The following KIAA1217 variants were observed in gnomAD, a reference collection of about 807,000 sequenced individuals.
KIAA1217 encodes the protein sickle tail protein homolog.
A neutral mutation model predicts 163.9 loss-of-function variants in KIAA1217; 88 were observed. The ratio of observed to expected loss-of-function variants is 0.54; its 90% CI spans 0.45 to 0.64. The LOEUF (loss-of-function observed/expected upper bound fraction) is 0.64, where lower values mean the gene tolerates loss of function less well. Ranked by LOEUF, KIAA1217 falls within the 30% of genes least tolerant of loss-of-function variation. KIAA1217 has a pLI of 0.00. For missense variants in KIAA1217, 2,372 were observed against 2,475.0 expected (o/e 0.96, Z 0.88); for synonymous variants, 903 against 923.1 (o/e 0.98, Z 0.39).
chr10:24,077,917 T>C (rs1023335530), intron 2 of KIAA1217, among the ~76,000 whole-genome samples: 2 of 152,256 alleles, frequency 1.3e-5, no homozygotes, highest in Non-Finnish European at 2.9e-5. Context: ...ACTGTGCTTT[T>C]GATTTGCATT....
chr10:24,479,582 G>A (rs982555069), intron 6 of KIAA1217, among the ~76,000 whole-genome samples: 1 of 152,150 alleles, frequency 6.6e-6, no homozygotes, highest in Non-Finnish European at 1.5e-5. Context: ...GGGCTGTCCT[G>A]TGCATTGTAG....
rs199896296 is a variant in KIAA1217 at position 24,531,878 on chromosome 10, C to T, written c.3131C>T (p.Ser1044Leu). 91 of 1,608,198 alleles carry T rather than the reference C, an allele frequency of 5.7e-5. No homozygotes were observed. In the East Asian group the frequency reaches 1.5e-3, roughly 27 times the overall value. The change falls in exon 15 of 21, where the codon TCG becomes TTG. Residue 1044 changes from serine (S) to leucine (L), a missense_variant. Coordinates refer to ENST00000376454, the MANE Select transcript of KIAA1217 (RefSeq NM_019590.5). ...EQDLEKLGGKSPPPPPPPPRR... is the reference protein window; with the variant it reads ...EQDLEKLGGKLPPPPPPPPRR... ...GACTTGGAAAAGCTGGGGGGAAAGT[C>T]GCCCCCTCCTCCTCCGCCACCTCCT... is the stretch of plus-strand genomic sequence containing the variant.
chr10:24,243,063 A>G (rs2073300358), intron 2 of KIAA1217, among the ~76,000 whole-genome samples: 1 of 152,138 alleles, frequency 6.6e-6, no homozygotes, highest in Non-Finnish European at 1.5e-5. Context: ...TTTGGTGTAC[A>G]GAAGCTCTTC....
At chr10:23,974,928 T>C (rs1345055248) in intron 1 of KIAA1217, among the ~76,000 whole-genome samples, 1 of 151,244 alleles carries the variant, frequency 6.6e-6, no homozygotes, top group African/African-American at 2.4e-5. Context: ...ATAATGCAAA[T>C]GTGGAATATT....
At chr10:24,163,011 G>A (rs964586633) in intron 2 of KIAA1217, among the ~76,000 whole-genome samples, 1 of 152,086 alleles carries the variant, frequency 6.6e-6, no homozygotes, top group African/African-American at 2.4e-5. Flanking sequence ...AAATGACATG[G>A]GAAAAAATCA....
At chr10:24,117,136 C>T (rs1564720493) in intron 2 of KIAA1217, among the ~76,000 whole-genome samples, 2 of 152,056 alleles carry the variant, frequency 1.3e-5, no homozygotes, top group South Asian at 2.1e-4. Flanking sequence ...CTCCCAGGTT[C>T]GAGCAATTCT....
rs1264846525 is a variant in KIAA1217, at chr10:24,546,113, A to G, written c.5621A>G (p.His1874Arg). ...FQSLTHTGKG[H>R]HLSFSPQSQN... Reference sequence around the variant, plus strand: ...AGCCTCACTCATACAGGTAAAGGTCACCATCTTTCATTCTCACCGCAGAGT... The same window carrying G: ...AGCCTCACTCATACAGGTAAAGGTCGCCATCTTTCATTCTCACCGCAGAGT... The change falls in exon 21 of 21, where the codon CAC becomes CGC. Residue 1874 changes from histidine to arginine, a missense_variant. Transcript: ENST00000376454. 4 of 1,613,994 alleles carry G rather than the reference A, an allele frequency of 2.5e-6. No homozygotes were observed. Among genetic ancestry groups the G allele is most frequent in the Non-Finnish European group, 3.4e-6 (4 of 1,180,024 alleles).
intron 1 of KIAA1217, among the ~76,000 whole-genome samples, chr10:23,773,885 T>A (rs1018356623): frequency 5.9e-5 from 9 of 152,118 alleles, no homozygotes; most frequent in Non-Finnish European, 1.0e-4. Flanking sequence ...TTTCTAGATA[T>A]ACAATCATGT....
chr10:24,414,466 G>A (rs1396046676), intron 3 of KIAA1217, among the ~76,000 whole-genome samples: 5 of 152,142 alleles, frequency 3.3e-5, no homozygotes, highest in African/African-American at 1.2e-4. Flanking sequence ...AGTTCCTCAG[G>A]TAACAAAGCA....
At chr10:24,411,205 G>C (rs938497666) in intron 3 of KIAA1217, among the ~76,000 whole-genome samples, 7 of 152,154 alleles carry the variant, frequency 4.6e-5, no homozygotes, top group Non-Finnish European at 7.3e-5. Flanking sequence ...TTGCTATTCA[G>C]TTGGACAGGT....
intron 14 of KIAA1217, among the ~76,000 whole-genome samples, chr10:24,530,784 G>A (rs1471983580): frequency 6.6e-6 from 1 of 152,164 alleles, no homozygotes; most frequent in African/African-American, 2.4e-5. Flanking sequence ...TGCAGTTCCA[G>A]CTACTCTGGG....
intron 1 of KIAA1217, among the ~76,000 whole-genome samples, chr10:23,894,310 AT>A (rs1841573733): frequency 6.6e-6 from 1 of 152,034 alleles, no homozygotes; most frequent in Non-Finnish European, 1.5e-5. Flanking sequence ...TACAAAATCA[AT>A]GTACAAAAAT....
At chr10:24,544,712 G>A (rs986564083) in intron 19 of KIAA1217, among the ~76,000 whole-genome samples, 1 of 152,038 alleles carries the variant, frequency 6.6e-6, no homozygotes, top group Admixed American at 6.6e-5. Context: ...TTGCTGACTG[G>A]TGTTGGGTAA....
At chr10:24,500,145 G>A (rs2067341017) in intron 8 of KIAA1217, among the ~76,000 whole-genome samples, 1 of 151,994 alleles carries the variant, frequency 6.6e-6, no homozygotes, top group Non-Finnish European at 1.5e-5. Context: ...GGCCAGCCTG[G>A]CCTGTGACAA....
At chr10:24,222,346 T>G (rs1255362985) in intron 2 of KIAA1217, among the ~76,000 whole-genome samples, 3 of 152,202 alleles carry the variant, frequency 2.0e-5, no homozygotes, top group Non-Finnish European at 2.9e-5. Context: ...GGAGAGAGTT[T>G]TTAATGCATG....
rs142943710 is a variant in KIAA1217 at position 23,727,954 on chromosome 10, A to T, written c.-321+32720A>T. 9.1e-3 allele frequency among the ~76,000 whole-genome samples: 1,391 copies of T among 152,234 alleles called. 21 individuals are homozygous for T. The highest frequency in any genetic ancestry group is 0.032 in the African/African-American group (1,324 of 41,546). The stretch of plus-strand genomic sequence containing the variant: ...AGAATGATGGTTTCCAGCTTCATCC[A>T]TGTCCCTGCAAAGGACATGAACTCA... On this transcript the variant is annotated intron_variant, in intron 1 of 18. Coordinates refer to the KIAA1217 transcript ENST00000376462.
chr10:24,224,033 G>A (rs1470684988), intron 2 of KIAA1217, among the ~76,000 whole-genome samples: 1 of 152,064 alleles, frequency 6.6e-6, no homozygotes, highest in Admixed American at 6.6e-5. Context: ...AAATATGTTG[G>A]TCAAGAGTTT....
intron 2 of KIAA1217, among the ~76,000 whole-genome samples, chr10:24,250,439 C>CT (rs11430837): frequency 0.74 from 105,896 of 143,896 alleles, 38,950 homozygotes; most frequent in Admixed American, 0.8. Context: ...ACATTTGGCA[C>CT]TTTTTTTTTT....
At chr10:24,385,031 G>A (rs2053828733) in intron 3 of KIAA1217, among the ~76,000 whole-genome samples, 1 of 152,178 alleles carries the variant, frequency 6.6e-6, no homozygotes, top group Non-Finnish European at 1.5e-5. Context: ...AGTGAGGAAA[G>A]CCCAGTTCCC....
Sources: gnomAD v4.1 joint callset for allele counts (sites outside exome capture counted in the v4.1 genomes callset) on GRCh38, gnomAD v4.1.1 for gene constraint, MANE v1.5 for transcripts, NCBI Gene and HGNC (gene_info 2026-07-23, HGNC 2026-07-21) for gene names.